The following COL1A1 variants were observed in gnomAD, a reference collection of about 807,000 sequenced individuals.
COL1A1 encodes the protein collagen alpha-1(I) chain.
COL1A1 carries 21 observed loss-of-function variants against 195.7 expected under a neutral mutation model. The observed-to-expected ratio is 0.11, with a 90% CI of 0.08 to 0.15. COL1A1 has a LOEUF of 0.15. Among genes scored for constraint, COL1A1 ranks in the 10% least tolerant of loss-of-function variants. The pLI is 1.00. For synonymous variants in COL1A1, 749 were observed against 747.3 expected, an observed-to-expected ratio of 1.00 and a Z score of -0.04; for missense variants, 1,365 against 2,051.0, an observed-to-expected ratio of 0.67 and a Z score of 6.46.
Position 50,186,688 on chromosome 17 carries a change from C to T in COL1A1, c.3766G>A (p.Ala1256Thr), listed in dbSNP as rs148216434. ...ATCTTGAGGTCACGGCAGGTGCGGGCGGGGTTCTTGCGGCTGCCCTCTGGG... is the reference window on the plus strand; with the variant it reads ...ATCTTGAGGTCACGGCAGGTGCGGGTGGGGTTCTTGCGGCTGCCCTCTGGG... ...RSPEGSRKNP[A>T]RTCRDLKMCH... Residue 1256 changes from alanine to threonine, a missense_variant, in exon 48 of 51, where the codon GCC (alanine) becomes ACC (threonine). By Grantham distance (58) the Ala-to-Thr change is moderately conservative (BLOSUM62 0). This residue lies in a region of COL1A1 where 273 missense variants were observed against 338.6 expected (regional missense o/e 0.81). Coordinates refer to ENST00000225964, the MANE Select transcript of COL1A1 (RefSeq NM_000088.4). This position sits in a 1 kb window ranked among gnomAD's most constrained non-coding sequence, Gnocchi z 5.3. The T allele has an allele frequency of 1.1e-4, 177 of 1,613,598 alleles. No individual in the cohort carries two copies. In the East Asian group the frequency reaches 1.5e-3, roughly 14 times the overall value.
chr17:50,188,354 A>G lies in COL1A1; in HGVS notation c.3207+176T>C. 1 of 812,528 alleles carries G rather than the reference A, an allele frequency of 1.2e-6. No homozygotes were observed. The highest frequency in any genetic ancestry group is 2.0e-6 in the Non-Finnish European group (1 of 511,214). 50.3% of individuals were successfully genotyped at this position (812,528 alleles called of 1,614,324 possible). A position where few individuals can be genotyped will look rare whatever the true frequency, so the allele number is the denominator to read the frequency against. On this transcript the variant is annotated intron_variant, in intron 43 of 50. Coordinates refer to ENST00000225964, the MANE Select transcript of COL1A1 (RefSeq NM_000088.4). This position sits in a 1 kb window ranked among gnomAD's most constrained non-coding sequence, Gnocchi z 5.6. ...TGGGAGAGGCGGTCCTGTCTGGGAG[A>G]GGGGACTTGGGGCTGAGCTTTAACT...
Position 50,199,406 on chromosome 17 carries a change from T to A in COL1A1, c.369+12A>T. On this transcript the variant is annotated intron_variant, in intron 4 of 50. Coordinates refer to ENST00000225964, the MANE Select transcript of COL1A1 (RefSeq NM_000088.4). ...ACCTGCAGCCCCCCACAGCCCAGAGTGCAACGCTTACCCTTGGGCCTCGGG... is the reference window on the plus strand; with the variant it reads ...ACCTGCAGCCCCCCACAGCCCAGAGAGCAACGCTTACCCTTGGGCCTCGGG... 1 of 1,613,472 alleles carries A rather than the reference T, an allele frequency of 6.2e-7. No homozygotes were observed. Among genetic ancestry groups the A allele is most frequent in the Non-Finnish European group, 8.5e-7 (1 of 1,179,790 alleles).
rs1907787718 is a variant in COL1A1, at chr17:50,198,436, G to A, written c.540C>T (p.Pro180=). The change falls in exon 6 of 51, where the codon CCC becomes CCT. Residue 180 remains proline (P), a synonymous_variant. Coordinates refer to ENST00000225964, the MANE Select transcript of COL1A1 (RefSeq NM_000088.4). ...CATGCTCCCCCTGCTGGCTCACCATGGGGCCAGGCACGGAAATTCCTCCGG... is the reference window on the plus strand; with the variant it reads ...CATGCTCCCCCTGCTGGCTCACCATAGGGCCAGGCACGGAAATTCCTCCGG... The part of the protein sequence containing the change: ...KSTGGISVPG[P]MGPSGPRGLP... 2 of 1,613,124 alleles carry A rather than the reference G, an allele frequency of 1.2e-6. No homozygotes were observed. The highest frequency in any genetic ancestry group is 1.7e-6 in the Non-Finnish European group (2 of 1,179,646).
chr17:50,193,836 TG>T, intron 25 of COL1A1, 106 bp downstream of exon 25: 1 of 967,766 alleles, frequency 1.0e-6, no homozygotes, highest in Non-Finnish European at 1.7e-6. Flanking sequence ...TGAGAGTGAG[TG>T]GCCACACGGC....
At chr17:50,199,108 T>A (rs1907837047) in intron 5 of COL1A1, 118 bp downstream of exon 5, 1 of 1,232,598 alleles carries the variant, frequency 8.1e-7, no homozygotes, top group African/African-American at 1.5e-5. Context: ...GAGTTTCCTG[T>A]AGGATTCTTG....
rs766310842 is a variant in COL1A1 at position 50,195,263 on chromosome 17, G to A, written c.1268C>T (p.Pro423Leu). The change falls in exon 19 of 51, where the codon CCC becomes CTC. Residue 423 changes from proline (P) to leucine (L), a missense_variant. Pro to Leu is a moderately conservative substitution (Grantham distance 98). Coordinates refer to ENST00000225964, the MANE Select transcript of COL1A1 (RefSeq NM_000088.4). This position sits in a 1 kb window ranked among gnomAD's most constrained non-coding sequence, Gnocchi z 4.3. Reference sequence around the variant, plus strand: ...ACCCTTGGGACCAGGAGGGCCGCCGGGGCCCTGGGGTCCAGAGGGGCCTCG... The same window carrying A: ...ACCCTTGGGACCAGGAGGGCCGCCGAGGCCCTGGGGTCCAGAGGGGCCTCG... ...GARGPSGPQG[P>L]GGPPGPKGNS... The A allele has an allele frequency of 3.1e-6, 5 of 1,613,264 alleles. No homozygotes were observed. In the Admixed American group the frequency reaches 8.4e-5, roughly 27 times the overall value.
chr17:50,189,170 A>G lies in COL1A1; in HGVS notation c.2935T>C (p.Ser979Pro). Residue 979 changes from serine (S) to proline (P), a missense_variant and splice_region_variant, in exon 40 of 51, where the codon TCT becomes CCT. By Grantham distance (74) the Ser-to-Pro change is moderately conservative. Transcript: ENST00000225964. This position sits in a 1 kb window ranked among gnomAD's most constrained non-coding sequence, Gnocchi z 5.5. ...ERGFPGLPGP[S>P]GEPGKQGPSG... ...CCCAAGGTGAGGGGGGCACTTACAGAGGGGCCAGGAAGACCAGGGAAGCCT... is the reference window on the plus strand; with the variant it reads ...CCCAAGGTGAGGGGGGCACTTACAGGGGGGCCAGGAAGACCAGGGAAGCCT... The G allele has an allele frequency of 6.2e-7, 1 of 1,613,686 alleles. No individual in the cohort carries two copies. Among genetic ancestry groups the G allele is most frequent in the Non-Finnish European group, 8.5e-7 (1 of 1,179,806 alleles).
intron 29 of COL1A1, 158 bp downstream of exon 29, chr17:50,192,317 C>A: frequency 1.2e-6 from 1 of 866,124 alleles, no homozygotes. Context: ...CATGCAGCCC[C>A]CACTTCCCTC....
intron 30 of COL1A1, 41 bp from the exon 31 acceptor site, chr17:50,191,927 A>T: frequency 6.2e-7 from 1 of 1,608,248 alleles, no homozygotes; most frequent in Non-Finnish European, 8.5e-7. Context: ...TGCTCTGGAG[A>T]TAGGGCCAAG....
In COL1A1 at chr17:50,187,077, C is replaced by T. The variant is rs1278821174; in HGVS notation, c.3469G>A (p.Gly1157Ser). 3 of 1,613,346 alleles carry T rather than the reference C, an allele frequency of 1.9e-6. No individual in the cohort carries two copies. Among genetic ancestry groups the T allele is most frequent in the East Asian group, 2.2e-5 (1 of 44,826 alleles). ...GGGGGCCCAATGGGGCCAGGGAGAC[C>T]GTTGAGTCCATCTTTGCCAGGAGCA... ...AGAPGKDGLN[G>S]LPGPIGPPGP... The change falls in exon 47 of 51, where the codon GGT (glycine) becomes AGT (serine). Residue 1157 changes from glycine to serine, a missense_variant. Gly to Ser is a moderately conservative substitution (Grantham distance 56). Coordinates refer to ENST00000225964, the MANE Select transcript of COL1A1 (RefSeq NM_000088.4).
intron 46 of COL1A1, among the ~76,000 whole-genome samples, 158 bp from the exon 47 acceptor site, chr17:50,187,280 C>T (rs368775573): frequency 2.1e-3 from 318 of 152,320 alleles, no homozygotes; most frequent in Non-Finnish European, 4.0e-3. Context: ...TCCTCCCAGC[C>T]GCTGAGCCAG....
intron 30 of COL1A1, 37 bp downstream of exon 30, chr17:50,191,943 C>G (rs373802214): frequency 1.4e-5 from 23 of 1,610,540 alleles, no homozygotes; most frequent in Non-Finnish European, 2.0e-5. Flanking sequence ...CCAAGTACGA[C>G]GCACCTTGAC....
chr17:50,189,742 G>A lies in COL1A1; in HGVS notation c.2614-10C>T, dbSNP rs1381760301. On this transcript the variant is annotated splice_polypyrimidine_tract_variant and intron_variant, in intron 37 of 50. Transcript: ENST00000225964. This position sits in a 1 kb window ranked among gnomAD's most constrained non-coding sequence, Gnocchi z 5.5. ...GGAAACCAGTAGCACCCTGGAAGGA[G>A]AGAACATAGGAACAGTCAGAGGGAG... The A allele has an allele frequency of 1.2e-6, 2 of 1,613,992 alleles. No individual in the cohort carries two copies. The highest frequency in any genetic ancestry group is 4.5e-5 in the East Asian group (2 of 44,892).
chr17:50,199,137 G>T lies in COL1A1; in HGVS notation c.471+89C>A. 3.6e-6 allele frequency: 5 copies of T among 1,394,918 alleles called. No individual in the cohort carries two copies. The East Asian group carries it at 1.0e-4, about 29-fold the overall frequency. The allele number at this position is 1,394,918 out of a possible 1,614,324, so 86.4% of individuals were successfully genotyped here. ...ATTCTTGCAACTTTTCTGTAAGTTT[G>T]AAATTATTTCAAAGTATAAAATTAT... On this transcript the variant is annotated intron_variant, in intron 5 of 50. Transcript: ENST00000225964.
chr17:50,188,885 G>A lies in COL1A1; in HGVS notation c.3045+18C>T, dbSNP rs755906391. On this transcript the variant is annotated intron_variant, in intron 41 of 50. Coordinates refer to ENST00000225964, the MANE Select transcript of COL1A1 (RefSeq NM_000088.4). The surrounding 1 kb of genome is among the most constrained non-coding windows in gnomAD (Gnocchi z 5.6). ...GGCCATGCTGAGGGTACTGGCATGGGGGCTGGGGACTGCTCACCTCACGTC... is the reference window on the plus strand; with the variant it reads ...GGCCATGCTGAGGGTACTGGCATGGAGGCTGGGGACTGCTCACCTCACGTC... The A allele has an allele frequency of 3.2e-6, 5 of 1,568,140 alleles. No homozygotes were observed. Among genetic ancestry groups the A allele is most frequent in the Middle Eastern group, 3.3e-4 (2 of 5,980 alleles).
rs1447238172 is a variant in COL1A1 at position 50,199,295 on chromosome 17, G to C, written c.402C>G (p.Ile134Met). Residue 134 changes from isoleucine (I) to methionine (M), a missense_variant, in exon 5 of 51, where the codon ATC becomes ATG. By Grantham distance (10) the Ile-to-Met change is conservative. This residue lies in a region of COL1A1 where 194 missense variants were observed against 221.7 expected (regional missense o/e 0.88). Coordinates refer to ENST00000225964, the MANE Select transcript of COL1A1 (RefSeq NM_000088.4). ...GTCCGGGAAGTCCAGGCTGTCCAGG[G>C]ATGCCATCTCGGCCAGGGGGGCCTG... ...GPAGPPGRDG[I>M]PGQPGLPGPP... The C allele has an allele frequency of 1.3e-6, 2 of 1,538,088 alleles. No individual in the cohort carries two copies. The highest frequency in any genetic ancestry group is 2.7e-5 in the African/African-American group (2 of 72,942).
At chr17:50,187,232 A>G (rs1332479868) in intron 46 of COL1A1, 110 bp from the exon 47 acceptor site, 2 of 946,952 alleles carry the variant, frequency 2.1e-6, no homozygotes. Context: ...CGGCTCATAG[A>G]GCCAGCCTCA....
At chr17:50,201,064 A>G (rs992190620) in intron 1 of COL1A1, among the ~76,000 whole-genome samples, 10 of 152,106 alleles carry the variant, frequency 6.6e-5, no homozygotes, top group African/African-American at 2.4e-4. Context: ...TTGCTTCTAC[A>G]TCTTGGGCTT....
rs1906826928 is a variant in COL1A1 at position 50,189,030 on chromosome 17, C to T, written c.2938-20G>A. The T allele has an allele frequency of 1.2e-6, 2 of 1,606,024 alleles. No individual in the cohort carries two copies. The highest frequency in any genetic ancestry group is 1.3e-5 in the African/African-American group (1 of 74,670). ...TTCACCCTAAGGGAGAAGAAAGAGT[C>T]AGGCCAGAGATAGGGTCTGGGAGGA... On this transcript the variant is annotated intron_variant, in intron 40 of 50. Coordinates refer to ENST00000225964, the MANE Select transcript of COL1A1 (RefSeq NM_000088.4). The surrounding 1 kb of genome is among the most constrained non-coding windows in gnomAD (Gnocchi z 5.5).
Sources: gnomAD v4.1 joint callset for allele counts (sites outside exome capture counted in the v4.1 genomes callset) on GRCh38, gnomAD v4.1.1 for gene constraint, gnomAD v4.1.1 regional missense constraint, Gnocchi (gnomAD v3.1) non-coding constraint, MANE v1.5 for transcripts, NCBI Gene and HGNC (gene_info 2026-07-23, HGNC 2026-07-21) for gene names.